TCAF1: variants seen among roughly 807,000 people sequenced by gnomAD.
The protein encoded by TCAF1 is TRPM8 channel-associated factor 1.
In TCAF1, 4 loss-of-function variants were observed where a neutral mutation model predicts 27.3. The observed-to-expected ratio is 0.15, with a 90% confidence interval of 0.07 to 0.34. The LOEUF (loss-of-function observed/expected upper bound fraction) is 0.34. TCAF1 is among the 10% of genes least tolerant of loss of function. The pLI, the probability that TCAF1 is intolerant of heterozygous loss-of-function variation, is 1.00. For missense variants in TCAF1, 257 were observed against 425.8 expected (o/e 0.60, Z 3.49); for synonymous variants, 105 against 167.1 (o/e 0.63, Z 2.87).
At chr7:143,889,712 T>G (rs754650153) in intron 1 of TCAF1, among the ~76,000 whole-genome samples, 2 of 152,108 alleles carry the variant, frequency 1.3e-5, no homozygotes, top group African/African-American at 2.4e-5. Flanking sequence ...ATGCTCAAGG[T>G]GTTTTGCTTG....
At position 143,878,185 on chromosome 7, in the gene TCAF1, G is replaced by A. The variant is rs185916017; in HGVS notation, c.-14-1563C>T. ...ATAAGTATTATTTATATGCATAAAC[G>A]TATATGTTTATAATTATTTGGTTAA... On this transcript the variant is annotated intron_variant, in intron 1 of 8. Coordinates refer to ENST00000479870, the MANE Select transcript of TCAF1 (RefSeq NM_014719.3). Among the ~76,000 whole-genome samples the A allele has an allele frequency of 2.2e-3, 333 of 152,204 alleles. 1 individual carries two copies. The highest frequency in any genetic ancestry group is 7.4e-3 in the African/African-American group (309 of 41,520).
At chr7:143,887,502 GTAT>G (rs1451787410) in intron 1 of TCAF1, among the ~76,000 whole-genome samples, 1 of 152,116 alleles carries the variant, frequency 6.6e-6, no homozygotes, top group African/African-American at 2.4e-5. Context: ...AATGTTACAA[GTAT>G]TATTTTGCAA....
At position 143,892,519 on chromosome 7, in the gene TCAF1, T is replaced by C. The variant is rs75875252; in HGVS notation, c.-15+9442A>G. Reference sequence around the variant, plus strand: ...GAGAAAACTGTGCAAATTGGTAGACTTTAACCCAATTTTTTTTTTTTTTTT... The same window carrying C: ...GAGAAAACTGTGCAAATTGGTAGACCTTAACCCAATTTTTTTTTTTTTTTT... On this transcript the variant is annotated intron_variant, in intron 1 of 8. Transcript: ENST00000479870. Among the ~76,000 whole-genome samples the C allele has an allele frequency of 9.0e-3, 1,360 of 151,030 alleles. 25 individuals carry two copies. Among genetic ancestry groups the C allele is most frequent in the African/African-American group, 0.031 (1,274 of 41,310 alleles).
At chr7:143,896,235 G>A (rs992913727) in intron 1 of TCAF1, among the ~76,000 whole-genome samples, 11 of 151,622 alleles carry the variant, frequency 7.3e-5, no homozygotes, top group African/African-American at 1.5e-4. Context: ...AAAAAAATAC[G>A]ATTTTAAAAC....
At chr7:143,892,013 G>T (rs139984315) in intron 1 of TCAF1, among the ~76,000 whole-genome samples, 1 of 151,966 alleles carries the variant, frequency 6.6e-6, no homozygotes, top group Non-Finnish European at 1.5e-5. Context: ...CTATACACAA[G>T]AAAAATATTC....
intron 1 of TCAF1, among the ~76,000 whole-genome samples, chr7:143,890,936 G>A (rs1175714378): frequency 6.6e-6 from 1 of 152,158 alleles, no homozygotes; most frequent in Non-Finnish European, 1.5e-5. Context: ...TGGTTATATT[G>A]TTCTGAGAAA....
chr7:143,898,962 C>T (rs1450467466), intron 1 of TCAF1, among the ~76,000 whole-genome samples: 1 of 152,160 alleles, frequency 6.6e-6, no homozygotes, highest in Non-Finnish European at 1.5e-5. Context: ...CCTTTCTCTG[C>T]CTTTATGCCA....
intron 1 of TCAF1, among the ~76,000 whole-genome samples, chr7:143,886,766 T>G (rs1464837312): frequency 1.4e-5 from 2 of 139,328 alleles, no homozygotes; most frequent in African/African-American, 5.5e-5. Flanking sequence ...CGAGGCTCAC[T>G]GCAACCTCGA....
chr7:143,900,855 A>T (rs564845845), intron 1 of TCAF1, among the ~76,000 whole-genome samples: 1 of 152,344 alleles, frequency 6.6e-6, no homozygotes, highest in Admixed American at 6.5e-5. Context: ...ATGAAAGATG[A>T]ATCTATAAAA....
At chr7:143,876,761 C>T in intron 1 of TCAF1, 139 bp from the exon 2 acceptor site, 1 of 591,640 alleles carries the variant, frequency 1.7e-6, no homozygotes, top group Admixed American at 4.0e-5. Flanking sequence ...GATTTAAGCA[C>T]TCGGTGTTAG....
intron 2 of TCAF1, among the ~76,000 whole-genome samples, chr7:143,872,330 T>TA (rs1371879716): frequency 1.3e-5 from 2 of 151,088 alleles, no homozygotes; most frequent in African/African-American, 4.9e-5. Flanking sequence ...ATAACTGTAT[T>TA]GTGGTTATAT....
At chr7:143,894,467 T>C (rs1245207179) in intron 1 of TCAF1, among the ~76,000 whole-genome samples, 2 of 151,844 alleles carry the variant, frequency 1.3e-5, no homozygotes, top group African/African-American at 4.8e-5. Flanking sequence ...AAAAGTCTAA[T>C]GGTGTGAAAT....
chr7:143,887,771 G>A (rs1562970047), intron 1 of TCAF1, among the ~76,000 whole-genome samples: 1 of 152,144 alleles, frequency 6.6e-6, no homozygotes, highest in Non-Finnish European at 1.5e-5. Context: ...ACAGCAATGA[G>A]AATGAATGAT....
Position 143,876,110 on chromosome 7 carries a change from G to A in TCAF1, c.499C>T (p.Leu167=). 6.2e-7 allele frequency: 1 copy of A among 1,614,184 alleles called. No homozygotes were observed. Among genetic ancestry groups the A allele is most frequent in the Non-Finnish European group, 8.5e-7 (1 of 1,180,034 alleles). ...ACGAGGTTCCCAGGGAACGTGAACA[G>A]AACCCTTTCATCCTCCCCCTGGTTG... The part of the protein sequence containing the change: ...WANQGEDERV[L]FTFPGNLVTS... Residue 167 remains leucine (L), a synonymous_variant, in exon 2 of 9, where the codon CTG becomes TTG. Transcript: ENST00000479870.
rs1178706328 is a variant in TCAF1 at position 143,852,550 on chromosome 7, T to G, written c.*1583A>C. The G allele has an allele frequency of 1.3e-5, 2 of 152,732 alleles. No individual in the cohort carries two copies. Among genetic ancestry groups the G allele is most frequent in the African/African-American group, 4.8e-5 (2 of 41,488 alleles). The allele number at this position is 152,732 out of a possible 1,614,324, so 9.5% of individuals were successfully genotyped here. On this transcript the variant is annotated 3_prime_UTR_variant, in exon 9 of 9. Transcript: ENST00000479870. ...CTGACAGAAAATGTCTTCACTTTGA[T>G]GTTCTTCTTGACAGTCTGCCTTACT... is the stretch of plus-strand genomic sequence containing the variant.
intron 1 of TCAF1, among the ~76,000 whole-genome samples, chr7:143,890,049 C>G (rs956072298): frequency 1.3e-5 from 2 of 150,946 alleles, no homozygotes; most frequent in Non-Finnish European, 2.9e-5. Flanking sequence ...AGTGCAGTGG[C>G]TCGATCTCGG....
intron 1 of TCAF1, 71 bp from the exon 2 acceptor site, chr7:143,876,693 C>G: frequency 8.1e-7 from 1 of 1,230,116 alleles, no homozygotes; most frequent in Non-Finnish European, 1.1e-6. Flanking sequence ...GAGCAGTTCA[C>G]TCTTCCAGTA....
chr7:143,874,579 CTT>C (rs1296481878), intron 2 of TCAF1, among the ~76,000 whole-genome samples: 13 of 146,344 alleles, frequency 8.9e-5, no homozygotes, highest in African/African-American at 2.8e-4. Flanking sequence ...TCTCTGATGA[CTT>C]TGTGAACATA....
rs1812695343 is a variant in TCAF1 at position 143,876,230 on chromosome 7, T to C, written c.379A>G (p.Ile127Val). 1.2e-6 allele frequency: 2 copies of C among 1,614,184 alleles called. No individual in the cohort carries two copies. The highest frequency in any genetic ancestry group is 4.5e-5 in the East Asian group (2 of 44,878). ...GTCATGGTTTCATTGTAGGCATCAA[T>C]ACAGTAAACCCCCAGGGAGTCTTTC... ...EVKDSLGVYCIDAYNETMTEK... is the reference protein window; with the variant it reads ...EVKDSLGVYCVDAYNETMTEK... The change falls in exon 2 of 9, where the codon ATT (isoleucine) becomes GTT (valine). Residue 127 changes from isoleucine (I) to valine (V), a missense_variant. This residue lies in a region of TCAF1 where 255 missense variants were observed against 260.1 expected (regional missense o/e 0.98). Coordinates refer to ENST00000479870, the MANE Select transcript of TCAF1 (RefSeq NM_014719.3).
Sources: gnomAD v4.1 joint callset for allele counts (sites outside exome capture counted in the v4.1 genomes callset) on GRCh38, gnomAD v4.1.1 for gene constraint, gnomAD v4.1.1 regional missense constraint, MANE v1.5 for transcripts, NCBI Gene and HGNC (gene_info 2026-07-23, HGNC 2026-07-21) for gene names.